CEP170: variants seen among roughly 807,000 people sequenced by gnomAD.
CEP170 encodes centrosomal protein 170.
A neutral mutation model predicts 151.9 loss-of-function variants in CEP170; 21 were observed. The observed-to-expected ratio is 0.14, with a 90% CI of 0.10 to 0.20. The LOEUF is 0.20. Among genes scored for constraint, CEP170 ranks in the 10% least tolerant of loss-of-function variants. The probability of loss-of-function intolerance (pLI) is 1.00; values close to 1 mark genes in which losing one functional copy is unlikely to be tolerated. For synonymous variants in CEP170, 356 were observed against 648.8 expected (o/e 0.55, Z 6.86); for missense variants, 964 against 1,892.9 (o/e 0.51, Z 9.11).
intron 1 of CEP170, among the ~76,000 whole-genome samples, chr1:243,231,797 T>C (rs921531783): frequency 1.3e-5 from 2 of 151,890 alleles, no homozygotes; most frequent in East Asian, 1.9e-4. Flanking sequence ...AGAAGACAAA[T>C]ACATCAATGA....
chr1:243,223,601 A>G (rs2062994683), intron 2 of CEP170, among the ~76,000 whole-genome samples: 1 of 152,236 alleles, frequency 6.6e-6, no homozygotes, highest in African/African-American at 2.4e-5. Flanking sequence ...CACCTACAGC[A>G]AAAGACAGAG....
intron 14 of CEP170, among the ~76,000 whole-genome samples, chr1:243,149,264 A>T (rs1317288360): frequency 6.6e-6 from 1 of 152,236 alleles, no homozygotes; most frequent in Non-Finnish European, 1.5e-5. Flanking sequence ...AGGTTTTAGC[A>T]AACCTATGCT....
intron 1 of CEP170, among the ~76,000 whole-genome samples, chr1:243,229,382 A>G (rs1375974904): frequency 6.6e-6 from 1 of 152,184 alleles, no homozygotes; most frequent in Non-Finnish European, 1.5e-5. Flanking sequence ...GCAAAAATAT[A>G]TACATTACGT....
intron 1 of CEP170, among the ~76,000 whole-genome samples, chr1:243,236,251 A>T (rs1319377294): frequency 1.3e-5 from 2 of 152,224 alleles, no homozygotes; most frequent in African/African-American, 2.4e-5. Flanking sequence ...GCCTTCAGCT[A>T]CCAAATATGG....
At position 243,215,532 on chromosome 1, in the gene CEP170, C is replaced by G. The variant is rs866504058; in HGVS notation, c.196-3568G>C. 4.6e-5 allele frequency among the ~76,000 whole-genome samples: 7 copies of G among 152,294 alleles called. No homozygotes were observed. In the Middle Eastern group the frequency reaches 0.01, roughly 222 times the overall value. On this transcript the variant is annotated intron_variant, in intron 3 of 19. Coordinates refer to ENST00000366542, the MANE Select transcript of CEP170 (RefSeq NM_014812.3). ...TAAGGGATGAAATAAGCCCCAGTCT[C>G]CCGTAGCACTCCCAGGCTTATTAGG...
chr1:243,242,510 G>A (rs2064952801), intron 1 of CEP170, among the ~76,000 whole-genome samples: 2 of 152,006 alleles, frequency 1.3e-5, no homozygotes, highest in Admixed American at 6.6e-5. Flanking sequence ...GAGCCACCAC[G>A]CCCGGCCAAT....
chr1:243,175,415 T>C (rs1229889386), intron 10 of CEP170, among the ~76,000 whole-genome samples: 2 of 152,166 alleles, frequency 1.3e-5, no homozygotes, highest in Non-Finnish European at 2.9e-5. Flanking sequence ...GATAGCGTTT[T>C]GAAAAATTAA....
rs547336094 is a variant in CEP170 at position 243,186,046 on chromosome 1, C to A, written c.1299G>T (p.Gly433=). 190 of 1,613,706 alleles carry A rather than the reference C, an allele frequency of 1.2e-4. 1 individual carries two copies. The East Asian group carries it at 3.8e-3, about 32-fold the overall frequency. The part of the protein sequence containing the change: ...AVTSSAHHRG[G]HGVPHGKLLK... The stretch of plus-strand genomic sequence containing the variant: ...ACAATTTCCCATGTGGAACACCATG[C>A]CCCCCTCTGTGATGCGCAGAGCTAG... The change falls in exon 10 of 20, where the codon GGG becomes GGT. Residue 433 remains glycine (G), a synonymous_variant. Coordinates refer to ENST00000366542, the MANE Select transcript of CEP170 (RefSeq NM_014812.3).
intron 3 of CEP170, among the ~76,000 whole-genome samples, chr1:243,216,448 T>G (rs1032974994): frequency 4.9e-5 from 7 of 142,068 alleles, no homozygotes; most frequent in Admixed American, 4.6e-4. Flanking sequence ...AGTGAGAACA[T>G]CTGGTGTTTG....
At chr1:243,156,762 G>T (rs1446348816) in intron 13 of CEP170, 4 of 230,450 alleles carry the variant, frequency 1.7e-5, no homozygotes, top group African/African-American at 6.7e-5. Context: ...TCTATCCATC[G>T]ATGTTTAACT....
At chr1:243,247,757 A>G (rs1453011925) in intron 1 of CEP170, among the ~76,000 whole-genome samples, 4 of 152,210 alleles carry the variant, frequency 2.6e-5, no homozygotes, top group African/African-American at 9.7e-5. Flanking sequence ...GAAGTAAAAA[A>G]CTATTCCTAC....
intron 1 of CEP170, among the ~76,000 whole-genome samples, chr1:243,231,845 C>G (rs1358838663): frequency 1.3e-5 from 2 of 152,188 alleles, no homozygotes; most frequent in African/African-American, 4.8e-5. Flanking sequence ...TGCGGTGGCT[C>G]ATGCCTGTAA....
At position 243,191,177 on chromosome 1, in the gene CEP170, G is replaced by C; in HGVS notation, c.949C>G (p.Gln317Glu). The C allele has an allele frequency of 6.2e-7, 1 of 1,612,196 alleles. No individual in the cohort carries two copies. Among genetic ancestry groups the C allele is most frequent in the Non-Finnish European group, 8.5e-7 (1 of 1,179,070 alleles). ...HKSKKSSPGT[Q>E]DLLGIQTGMM... ...CCTGTTTGAATCCCCAGCAAGTCTT[G>C]AGTTCCAGGAGAAGACTTCTTGGAC... The change falls in exon 8 of 20, where the codon CAA becomes GAA. Residue 317 changes from glutamine to glutamate, a missense_variant. Transcript: ENST00000366542.
intron 1 of CEP170, among the ~76,000 whole-genome samples, chr1:243,244,357 TCA>T (rs36023097): frequency 0.71 from 107,224 of 150,142 alleles, 41,092 homozygotes; most frequent in East Asian, 0.93. Context: ...GCTCCTTGTA[TCA>T]CACACACACA....
At chr1:243,241,293 A>G (rs1479604595) in intron 1 of CEP170, among the ~76,000 whole-genome samples, 1 of 152,246 alleles carries the variant, frequency 6.6e-6, no homozygotes, top group Non-Finnish European at 1.5e-5. Context: ...TGCAAAACAG[A>G]AAAACCAGAC....
intron 1 of CEP170, among the ~76,000 whole-genome samples, chr1:243,243,249 A>G (rs2065035071): frequency 1.3e-5 from 2 of 152,166 alleles, no homozygotes; most frequent in Admixed American, 6.5e-5. Flanking sequence ...GGAAAGAGTC[A>G]TAGGGTAAAA....
At chr1:243,180,991 A>C (rs1481768029) in intron 10 of CEP170, among the ~76,000 whole-genome samples, 1 of 152,182 alleles carries the variant, frequency 6.6e-6, no homozygotes, top group Admixed American at 6.5e-5. Context: ...TATGGTATGA[A>C]ATTTATGAGG....
chr1:243,231,193 T>C (rs58384454), intron 1 of CEP170, among the ~76,000 whole-genome samples: 5,701 of 82,648 alleles, frequency 0.069, 127 homozygotes, highest in Admixed American at 0.16. Flanking sequence ...TCATCATCAT[T>C]ATTATTATTA....
At chr1:243,159,827 C>T (rs2057917895) in intron 13 of CEP170, among the ~76,000 whole-genome samples, 1 of 110,084 alleles carries the variant, frequency 9.1e-6, no homozygotes, top group South Asian at 3.7e-4. Context: ...CTCCCTCTGT[C>T]ACCCAGGCTG....
Sources: allele counts gnomAD v4.1 joint callset (sites outside exome capture counted in the v4.1 genomes callset), GRCh38; gene constraint gnomAD v4.1.1; transcripts MANE v1.5; gene names NCBI Gene and HGNC (gene_info 2026-07-23, HGNC 2026-07-21).